Variants in ULK4 observed in about 807,000 individuals in gnomAD.
ULK4 encodes unc-51 like kinase 4.
A neutral mutation model predicts 160.6 loss-of-function variants in ULK4; 133 were observed. That is an observed-to-expected ratio of 0.83 (90% CI 0.72 to 0.96). The LOEUF (loss-of-function observed/expected upper bound fraction) is 0.96. Among genes scored for constraint, ULK4 ranks in the 40% least tolerant of loss-of-function variants. The pLI is 0.00. For missense variants in ULK4, 1,580 were observed against 1,499.5 expected (o/e 1.05, Z -0.89); for synonymous variants, 534 against 539.8 (o/e 0.99, Z 0.15).
Position 41,932,131 on chromosome 3 carries a change from T to C in ULK4, c.379-125A>G, listed in dbSNP as rs531942894. ...TATTCTTTATCAGAACTCAGAAAAATAAATGCTTATAATTTTTTTAAAAGC... is the reference window on the plus strand; with the variant it reads ...TATTCTTTATCAGAACTCAGAAAAACAAATGCTTATAATTTTTTTAAAAGC... On this transcript the variant is annotated intron_variant, in intron 4 of 36. Coordinates refer to ENST00000301831, the MANE Select transcript of ULK4 (RefSeq NM_017886.4). 623 of 761,474 alleles carry C rather than the reference T, an allele frequency of 8.2e-4. 1 individual carries two copies. The highest frequency in any genetic ancestry group is 1.1e-3 in the Non-Finnish European group (572 of 521,364). The allele number at this position is 761,474 out of a possible 1,614,324, so 47.2% of individuals were successfully genotyped here.
At chr3:41,343,437 T>C (rs1315648176) in intron 35 of ULK4, among the ~76,000 whole-genome samples, 1 of 151,242 alleles carries the variant, frequency 6.6e-6, no homozygotes, top group Non-Finnish European at 1.5e-5. Context: ...CCTGGGTAGC[T>C]GGGATTATAG....
chr3:41,804,788 G>A (rs910585589), intron 19 of ULK4, among the ~76,000 whole-genome samples: 38 of 152,128 alleles, frequency 2.5e-4, no homozygotes, highest in African/African-American at 7.7e-4. Context: ...AGATCAGATC[G>A]TTGTAGATAT....
chr3:41,535,880 G>C (rs2086480950), intron 32 of ULK4, among the ~76,000 whole-genome samples: 2 of 152,096 alleles, frequency 1.3e-5, no homozygotes, highest in Admixed American at 1.3e-4. Flanking sequence ...CTCCTGCCTA[G>C]GAAGCCCCAT....
intron 22 of ULK4, among the ~76,000 whole-genome samples, chr3:41,731,326 A>G (rs1042845176): frequency 2.6e-5 from 4 of 152,142 alleles, no homozygotes; most frequent in African/African-American, 9.6e-5. Context: ...AATTCAGTAA[A>G]GCATTTCTAT....
chr3:41,889,467 G>A (rs1367291501), intron 16 of ULK4, among the ~76,000 whole-genome samples: 1 of 152,094 alleles, frequency 6.6e-6, no homozygotes, highest in African/African-American at 2.4e-5. Context: ...ATAAAGTCAA[G>A]GAAGAGCAAT....
At chr3:41,677,623 G>A (rs577456342) in intron 29 of ULK4, among the ~76,000 whole-genome samples, 4 of 152,236 alleles carry the variant, frequency 2.6e-5, no homozygotes, top group African/African-American at 7.2e-5. Flanking sequence ...GAGCCACCGC[G>A]CCCGGCCCCT....
At chr3:41,410,565 G>C (rs1434801535) in intron 34 of ULK4, among the ~76,000 whole-genome samples, 1 of 152,142 alleles carries the variant, frequency 6.6e-6, no homozygotes, top group African/African-American at 2.4e-5. Flanking sequence ...TGTTGGGCAT[G>C]ATGAAAATAT....
At chr3:41,558,868 T>TTTTA (rs1218228622) in intron 32 of ULK4, among the ~76,000 whole-genome samples, 3 of 151,666 alleles carry the variant, frequency 2.0e-5, no homozygotes, top group South Asian at 2.1e-4. Context: ...TTCTATTTTA[T>TTTTA]TTTATTTATT....
At chr3:41,291,087 C>T (rs1307514864) in intron 35 of ULK4, among the ~76,000 whole-genome samples, 1 of 151,994 alleles carries the variant, frequency 6.6e-6, no homozygotes, top group Non-Finnish European at 1.5e-5. Flanking sequence ...CGCGGTGATC[C>T]TTGCAAGTCC....
chr3:41,386,601 T>C (rs1350656430), intron 35 of ULK4, among the ~76,000 whole-genome samples: 1 of 152,164 alleles, frequency 6.6e-6, no homozygotes, highest in Non-Finnish European at 1.5e-5. Flanking sequence ...GCGTTCCATT[T>C]GTGGTCCATA....
At chr3:41,271,809 A>G (rs1366352646) in intron 35 of ULK4, among the ~76,000 whole-genome samples, 3 of 136,976 alleles carry the variant, frequency 2.2e-5, no homozygotes. Context: ...ATTACAAATA[A>G]GGCTACTATG....
rs146810353 is a variant in ULK4, at chr3:41,370,057, G to A, written c.3678+28022C>T. Among the ~76,000 whole-genome samples the A allele has an allele frequency of 2.4e-3, 372 of 152,082 alleles. 4 individuals carry two copies. The highest frequency in any genetic ancestry group is 3.7e-3 in the Non-Finnish European group (254 of 67,990). Reference sequence around the variant, plus strand: ...AATGACTTCCAGGTTGCTAAGCAACGTCACAACGTTAAAGGGCCCGGTATC... The same window carrying A: ...AATGACTTCCAGGTTGCTAAGCAACATCACAACGTTAAAGGGCCCGGTATC... On this transcript the variant is annotated intron_variant, in intron 35 of 36. Coordinates refer to ENST00000301831, the MANE Select transcript of ULK4 (RefSeq NM_017886.4).
chr3:41,909,801 A>G (rs2148801415), intron 11 of ULK4, among the ~76,000 whole-genome samples: 1 of 152,322 alleles, frequency 6.6e-6, no homozygotes, highest in Admixed American at 6.5e-5. Context: ...TGGGTAAAAC[A>G]TATCAGGAAT....
At chr3:41,549,528 T>C (rs927481040) in intron 32 of ULK4, among the ~76,000 whole-genome samples, 2 of 152,122 alleles carry the variant, frequency 1.3e-5, no homozygotes, top group African/African-American at 4.8e-5. Flanking sequence ...TCAAAAAAGC[T>C]TCTCTGATAT....
At chr3:41,733,772 T>C (rs1467297637) in intron 22 of ULK4, among the ~76,000 whole-genome samples, 1 of 142,742 alleles carries the variant, frequency 7.0e-6, no homozygotes, top group Admixed American at 7.1e-5. Context: ...TCTCATCCTG[T>C]CTCCCAGGCT....
chr3:41,802,013 A>T (rs2040476075), intron 19 of ULK4, among the ~76,000 whole-genome samples: 2 of 152,092 alleles, frequency 1.3e-5, no homozygotes, highest in Admixed American at 1.3e-4. Flanking sequence ...AAGTACCAAA[A>T]GAAAAAAAAA....
At chr3:41,550,654 G>C (rs2125576747) in intron 32 of ULK4, among the ~76,000 whole-genome samples, 1 of 152,060 alleles carries the variant, frequency 6.6e-6, no homozygotes, top group East Asian at 1.9e-4. Context: ...TTAGATCTAA[G>C]GGGAGAGATT....
At chr3:41,423,016 T>C (rs992097538) in intron 34 of ULK4, among the ~76,000 whole-genome samples, 1 of 152,210 alleles carries the variant, frequency 6.6e-6, no homozygotes, top group Non-Finnish European at 1.5e-5. Context: ...GATTGACATA[T>C]AAGTACAGAC....
At chr3:41,376,803 G>A (rs866780186) in intron 35 of ULK4, among the ~76,000 whole-genome samples, 1 of 150,016 alleles carries the variant, frequency 6.7e-6, no homozygotes, top group Admixed American at 6.6e-5. Context: ...TAATACCCAA[G>A]GTAATTTACA....
Sources: gnomAD v4.1 joint callset for allele counts (sites outside exome capture counted in the v4.1 genomes callset) on GRCh38, gnomAD v4.1.1 for gene constraint, MANE v1.5 for transcripts, NCBI Gene and HGNC (gene_info 2026-07-23, HGNC 2026-07-21) for gene names.